The following GABRB3 variants were observed in gnomAD, a reference collection of about 807,000 sequenced individuals.
GABRB3 encodes gamma-aminobutyric acid receptor subunit beta-3.
GABRB3 carries 14 observed loss-of-function variants against 52.1 expected under a neutral mutation model. The observed-to-expected ratio is 0.27, with a 90% CI of 0.18 to 0.42. The LOEUF (loss-of-function observed/expected upper bound fraction) is 0.42, where lower values mean the gene tolerates loss of function less well. GABRB3 is among the 10% of genes least tolerant of loss of function. GABRB3 has a pLI of 1.00. For synonymous variants in GABRB3, 260 were observed against 232.3 expected (o/e 1.12, Z -1.08); for missense variants, 307 against 609.1 (o/e 0.50, Z 5.22).
chr15:26,737,638 C>T (rs903515581), intron 3 of GABRB3, among the ~76,000 whole-genome samples: 8 of 150,118 alleles, frequency 5.3e-5, no homozygotes, highest in Admixed American at 2.6e-4. Flanking sequence ...TGTGTGTGTG[C>T]GTGTGTACAA....
intron 3 of GABRB3, among the ~76,000 whole-genome samples, chr15:26,661,321 C>G (rs556529943): frequency 6.6e-6 from 1 of 152,248 alleles, no homozygotes; most frequent in East Asian, 1.9e-4. Context: ...AACCCACACA[C>G]AAAGCACATG....
At chr15:26,656,074 A>G (rs921611651) in intron 3 of GABRB3, among the ~76,000 whole-genome samples, 6 of 152,094 alleles carry the variant, frequency 3.9e-5, no homozygotes, top group African/African-American at 1.4e-4. Flanking sequence ...GCACGTTTTA[A>G]CAGCCGTCAG....
intron 4 of GABRB3, among the ~76,000 whole-genome samples, chr15:26,586,298 A>G (rs1337317380): frequency 6.6e-6 from 1 of 151,392 alleles, no homozygotes; most frequent in Admixed American, 6.6e-5. Flanking sequence ...CGCCTGGCTT[A>G]ATTTTCTTAT....
chr15:26,700,175 C>G (rs546710764), intron 3 of GABRB3, among the ~76,000 whole-genome samples: 8 of 152,038 alleles, frequency 5.3e-5, no homozygotes, highest in Admixed American at 3.3e-4. Context: ...CATTTCAGGG[C>G]CTACAGATGT....
At chr15:26,629,427 A>G (rs1055003275) in intron 3 of GABRB3, among the ~76,000 whole-genome samples, 4 of 152,194 alleles carry the variant, frequency 2.6e-5, no homozygotes, top group African/African-American at 4.8e-5. Flanking sequence ...CCGGGAAGAG[A>G]CAGGCTGTCT....
intron 3 of GABRB3, among the ~76,000 whole-genome samples, chr15:26,736,590 C>A (rs1000404876): frequency 6.6e-6 from 1 of 152,212 alleles, no homozygotes; most frequent in Non-Finnish European, 1.5e-5. Context: ...GGCAGTGAGC[C>A]GGGGCAGCAG....
At chr15:26,718,112 C>T (rs1162495772) in intron 3 of GABRB3, among the ~76,000 whole-genome samples, 1 of 152,126 alleles carries the variant, frequency 6.6e-6, no homozygotes, top group Non-Finnish European at 1.5e-5. Flanking sequence ...CCTGCACACA[C>T]CTGAAAACAA....
intron 8 of GABRB3, among the ~76,000 whole-genome samples, chr15:26,555,264 G>A (rs1431849089): frequency 2.6e-5 from 4 of 152,072 alleles, no homozygotes; most frequent in African/African-American, 7.2e-5. Flanking sequence ...GGGAAAATGT[G>A]GACCAAGAAG....
At chr15:26,658,967 A>C (rs965380079) in intron 3 of GABRB3, among the ~76,000 whole-genome samples, 31 of 152,206 alleles carry the variant, frequency 2.0e-4, no homozygotes, top group Non-Finnish European at 2.9e-5. Flanking sequence ...TTGTTCCTAC[A>C]AGCAATTCCA....
At chr15:26,580,777 A>G in intron 5 of GABRB3, 1 of 412,620 alleles carries the variant, frequency 2.4e-6, no homozygotes, top group Non-Finnish European at 4.6e-6. Flanking sequence ...AATGTATCTC[A>G]ACTGCAATGA....
intron 3 of GABRB3, among the ~76,000 whole-genome samples, chr15:26,625,862 C>T (rs534976287): frequency 2.0e-5 from 3 of 152,196 alleles, no homozygotes; most frequent in East Asian, 1.9e-4. Flanking sequence ...AGAAGCAGCC[C>T]GCGTCCTCCA....
intron 3 of GABRB3, among the ~76,000 whole-genome samples, chr15:26,725,786 C>G (rs1164523619): frequency 6.6e-6 from 1 of 152,062 alleles, no homozygotes; most frequent in South Asian, 2.1e-4. Context: ...ATACACATAG[C>G]CTGAAGGCAA....
intron 4 of GABRB3, among the ~76,000 whole-genome samples, chr15:26,601,423 A>T (rs1891584113): frequency 6.6e-6 from 1 of 152,124 alleles, no homozygotes; most frequent in South Asian, 2.1e-4. Flanking sequence ...GAAAAAAAAA[A>T]AATTGAAAGG....
chr15:26,635,690 CT>C (rs1215995564), intron 3 of GABRB3, among the ~76,000 whole-genome samples: 1 of 152,166 alleles, frequency 6.6e-6, no homozygotes, highest in Non-Finnish European at 1.5e-5. Context: ...CTCCCATACC[CT>C]TACACTGTGA....
intron 3 of GABRB3, among the ~76,000 whole-genome samples, chr15:26,654,425 C>G (rs1196743909): frequency 6.6e-6 from 1 of 151,360 alleles, no homozygotes; most frequent in African/African-American, 2.4e-5. Context: ...GGATTACAGG[C>G]GTGAGCCACC....
intron 3 of GABRB3, among the ~76,000 whole-genome samples, chr15:26,661,937 G>GA (rs113557537): frequency 5.9e-5 from 9 of 151,824 alleles, no homozygotes; most frequent in African/African-American, 1.9e-4. Flanking sequence ...CAAACCACAT[G>GA]AAAAAAAATG....
chr15:26,587,012 A>G (rs1471954031), intron 4 of GABRB3, among the ~76,000 whole-genome samples: 1 of 152,224 alleles, frequency 6.6e-6, no homozygotes, highest in Non-Finnish European at 1.5e-5. Flanking sequence ...AGAGTATTGT[A>G]CATTTCAAAT....
At chr15:26,728,624 C>T (rs1595554863) in intron 3 of GABRB3, among the ~76,000 whole-genome samples, 1 of 152,190 alleles carries the variant, frequency 6.6e-6, no homozygotes, top group East Asian at 1.9e-4. Context: ...TGGAGAGATA[C>T]ACTTAAAGTG....
chr15:26,707,873 G>T (rs530551696), intron 3 of GABRB3, among the ~76,000 whole-genome samples: 2 of 152,188 alleles, frequency 1.3e-5, no homozygotes, highest in African/African-American at 2.4e-5. Flanking sequence ...ATACATAGGT[G>T]AGGATCTCTT....
Sources: gnomAD v4.1 joint callset for allele counts (sites outside exome capture counted in the v4.1 genomes callset) on GRCh38, gnomAD v4.1.1 for gene constraint, MANE v1.5 for transcripts, NCBI Gene and HGNC (gene_info 2026-07-23, HGNC 2026-07-21) for gene names.